The following VSIG1 variants were observed in gnomAD, a reference collection of about 807,000 sequenced individuals.
VSIG1 encodes the protein V-set and immunoglobulin domain-containing protein 1.
VSIG1 carries 11 observed loss-of-function variants against 20.1 expected under a neutral mutation model. That is an observed-to-expected ratio of 0.55 (90% confidence interval 0.34 to 0.91). The LOEUF (loss-of-function observed/expected upper bound fraction) is 0.91. VSIG1 is among the 40% of genes least tolerant of loss of function. VSIG1 has a pLI of 0.02. For synonymous variants in VSIG1, 126 were observed against 116.7 expected, an observed-to-expected ratio of 1.08 and a Z score of -0.52; for missense variants, 283 against 298.8, an observed-to-expected ratio of 0.95 and a Z score of 0.39.
chrX:108,058,613 T>C (rs1447875650), intron 2 of VSIG1, among the ~76,000 whole-genome samples: 1 of 111,658 alleles, frequency 9.0e-6, no homozygotes, highest in Admixed American at 9.5e-5. Context: ...ATATCTAGGA[T>C]CTGGCTGTCA....
intron 2 of VSIG1, among the ~76,000 whole-genome samples, chrX:108,065,392 A>T (rs1296008860): frequency 8.9e-6 from 1 of 111,961 alleles, no homozygotes; most frequent in South Asian, 3.7e-4. Flanking sequence ...AGGGAAGTGA[A>T]TTAAATGAAC....
the VSIG1 span, among the ~76,000 whole-genome samples, chrX:108,026,314 C>T: frequency 8.1e-5 from 9 of 111,634 alleles, no homozygotes; most frequent in Non-Finnish European, 1.7e-4. Context: ...ATATGCTGAA[C>T]AAATTGAATG....
At chrX:108,026,724 T>C in the VSIG1 span, among the ~76,000 whole-genome samples, 1 of 111,250 alleles carries the variant, frequency 9.0e-6, no homozygotes, top group Non-Finnish European at 1.9e-5. Flanking sequence ...ATACACCTGT[T>C]CAGTCTCAAT....
At chrX:108,076,029 A>T in intron 5 of VSIG1, 48 bp from the exon 6 acceptor site, 5 of 1,197,859 alleles carry the variant, frequency 4.2e-6, no homozygotes, top group Non-Finnish European at 5.6e-6. Flanking sequence ...ACACATTATA[A>T]AATGACAATA....
At chrX:108,066,846 C>T in intron 2 of VSIG1, 90 bp from the exon 3 acceptor site, 1 of 873,696 alleles carries the variant, frequency 1.1e-6, no homozygotes. Context: ...GCTTCTTTAT[C>T]AAAGGTAATG....
chrX:108,067,734 C>T lies in VSIG1; in HGVS notation c.412+600C>T, dbSNP rs1020227637. ...AAATGAATTTGGAATCTCATTTGTT[C>T]AGTATTTATTGAGTTACAGTGATGG... On this transcript the variant is annotated intron_variant, in intron 3 of 6. Transcript: ENST00000217957. Among the ~76,000 whole-genome samples the T allele has an allele frequency of 4.5e-5, 5 of 112,097 alleles. No homozygotes were observed. The Admixed American group carries it at 4.7e-4, about 11-fold the overall frequency.
chrX:108,028,290 C>T, the VSIG1 span, among the ~76,000 whole-genome samples: 2 of 110,724 alleles, frequency 1.8e-5, no homozygotes, highest in African/African-American at 3.3e-5. Context: ...TGAACTTGGG[C>T]CTAAGGAAAC....
chrX:108,056,893 A>G (rs764944170), intron 1 of VSIG1, among the ~76,000 whole-genome samples: 1 of 112,422 alleles, frequency 8.9e-6, no homozygotes, highest in South Asian at 3.7e-4. Flanking sequence ...ACTGTTGGGC[A>G]TTTGTGCCAG....
At chrX:108,075,546 G>A (rs1174643688) in intron 5 of VSIG1, among the ~76,000 whole-genome samples, 1 of 111,456 alleles carries the variant, frequency 9.0e-6, no homozygotes, top group African/African-American at 3.3e-5. Context: ...AACACCTCAG[G>A]GCTTGAAGGT....
chrX:108,057,040 T>C (rs1026192981), intron 1 of VSIG1, among the ~76,000 whole-genome samples: 1 of 112,190 alleles, frequency 8.9e-6, no homozygotes, highest in Admixed American at 9.5e-5. Flanking sequence ...ATATATATCA[T>C]CGGGTACTAC....
chrX:108,029,341 G>A, the VSIG1 span, among the ~76,000 whole-genome samples: 1 of 111,432 alleles, frequency 9.0e-6, no homozygotes, highest in Admixed American at 9.6e-5. Context: ...TTAAATTGTG[G>A]AGGGCCTTTT....
At chrX:108,043,355 C>T (rs974160976), upstream of VSIG1, among the ~76,000 whole-genome samples, 1 of 111,799 alleles carries the variant, frequency 8.9e-6, no homozygotes, top group African/African-American at 3.3e-5. Context: ...TTTACCATTA[C>T]ATCTTGGGAC....
At chrX:108,068,750 A>G (rs1341229458) in intron 3 of VSIG1, among the ~76,000 whole-genome samples, 1 of 111,931 alleles carries the variant, frequency 8.9e-6, no homozygotes, top group Non-Finnish European at 1.9e-5. Context: ...CACAGATCCA[A>G]ACCATATCAA....
chrX:108,057,340 C>T (rs147222052), intron 1 of VSIG1, among the ~76,000 whole-genome samples: 2,735 of 108,247 alleles, frequency 0.025, 77 homozygotes, highest in African/African-American at 0.088. Context: ...GGTAAATACA[C>T]GAATCTACAC....
intron 5 of VSIG1, among the ~76,000 whole-genome samples, chrX:108,075,329 G>A (rs1311077476): frequency 8.9e-6 from 1 of 112,325 alleles, no homozygotes; most frequent in Non-Finnish European, 1.9e-5. Flanking sequence ...CTCAGAAACG[G>A]GAAGGAGTCG....
chrX:108,060,160 G>A lies in VSIG1; in HGVS notation c.213+1959G>A, dbSNP rs148201480. 3.0e-3 allele frequency among the ~76,000 whole-genome samples: 330 copies of A among 111,653 alleles called. 1 individual carries two copies. Among genetic ancestry groups the A allele is most frequent in the African/African-American group, 0.01 (312 of 30,604 alleles). ...TAGAAGCACTTTTAAAAAAAAATCT[G>A]TTAACAAATAAATATTTATTGAGTA... On this transcript the variant is annotated intron_variant, in intron 2 of 6. Transcript: ENST00000217957.
chrX:108,045,010 G>A, upstream of VSIG1: 2 of 479,014 alleles, frequency 4.2e-6, no homozygotes, highest in Non-Finnish European at 6.5e-6. Flanking sequence ...AGGCATGTTT[G>A]CTTGGCGATG....
the VSIG1 span, among the ~76,000 whole-genome samples, chrX:108,022,673 T>C: frequency 8.9e-6 from 1 of 112,090 alleles, no homozygotes; most frequent in Non-Finnish European, 1.9e-5. Flanking sequence ...TGATGTTGTC[T>C]GTGGGGTTTT....
At chrX:108,022,968 G>A in the VSIG1 span, among the ~76,000 whole-genome samples, 1 of 111,841 alleles carries the variant, frequency 8.9e-6, no homozygotes, top group Non-Finnish European at 1.9e-5. Flanking sequence ...ATGAGTAAAA[G>A]CTTCCTGAGG....
Sources: allele counts gnomAD v4.1 joint callset (sites outside exome capture counted in the v4.1 genomes callset), GRCh38; gene constraint gnomAD v4.1.1; transcripts MANE v1.5; gene names NCBI Gene and HGNC (gene_info 2026-07-23, HGNC 2026-07-21).